Variants in MSH3 observed in about 807,000 individuals in gnomAD.
MSH3 encodes the protein mutS homolog 3.
Under a neutral mutation model 123.3 loss-of-function variants are expected in MSH3, and 106 were observed. The ratio of observed to expected loss-of-function variants is 0.86; its 90% CI spans 0.73 to 1.01. The LOEUF (loss-of-function observed/expected upper bound fraction) is 1.01. Ranked by LOEUF, MSH3 falls within the 50% of genes least tolerant of loss-of-function variation. The probability of loss-of-function intolerance (pLI) is 0.00; values close to 1 mark genes in which losing one functional copy is unlikely to be tolerated. For missense variants in MSH3, 1,459 were observed against 1,347.6 expected (o/e 1.08, Z -1.29); for synonymous variants, 515 against 481.4 (o/e 1.07, Z -0.91).
chr5:80,829,662 A>T (rs1745384968), intron 20 of MSH3, among the ~76,000 whole-genome samples: 1 of 152,166 alleles, frequency 6.6e-6, no homozygotes, highest in South Asian at 2.1e-4. Context: ...GGATTTTTGC[A>T]TCTATGTTCA....
At position 80,672,832 on chromosome 5, in the gene MSH3, A is replaced by G. The variant is rs774838967; in HGVS notation, c.1001A>G (p.Tyr334Cys). The G allele has an allele frequency of 6.2e-7, 1 of 1,612,974 alleles. No individual in the cohort carries two copies. The highest frequency in any genetic ancestry group is 8.5e-7 in the Non-Finnish European group (1 of 1,179,234). ...SLFSRKLTALYTKSTLIGEDV... is the reference protein window; with the variant it reads ...SLFSRKLTALCTKSTLIGEDV... The stretch of plus-strand genomic sequence containing the variant: ...TTTTCCCGGAAATTGACTGCCCTTT[A>G]TACAAAATCTACACTTATTGGAGAA... The change falls in exon 6 of 24, where the codon TAT becomes TGT. Residue 334 changes from tyrosine to cysteine, a missense_variant. Physicochemically the swap from Tyr to Cys is radical, Grantham distance 194. Transcript: ENST00000265081.
chr5:80,682,167 C>T (rs527819225), intron 8 of MSH3, among the ~76,000 whole-genome samples: 4 of 152,202 alleles, frequency 2.6e-5, no homozygotes, highest in African/African-American at 2.4e-5. Flanking sequence ...AGAGGAAATT[C>T]AAAAGTTAGC....
At chr5:80,724,168 T>A (rs1056673552) in intron 8 of MSH3, among the ~76,000 whole-genome samples, 1 of 152,136 alleles carries the variant, frequency 6.6e-6, no homozygotes, top group Non-Finnish European at 1.5e-5. Context: ...AAGCAACATG[T>A]GACAAAACAT....
chr5:80,665,060 TA>T, intron 2 of MSH3, 82 bp from the exon 3 acceptor site: 2 of 1,040,192 alleles, frequency 1.9e-6, no homozygotes, highest in Non-Finnish European at 1.4e-6. Flanking sequence ...TCTACCTCTT[TA>T]AAAAATTCTA....
intron 20 of MSH3, among the ~76,000 whole-genome samples, chr5:80,819,715 GA>G (rs1745171066): frequency 1.3e-5 from 2 of 152,058 alleles, no homozygotes; most frequent in Non-Finnish European, 2.9e-5. Context: ...TCAAACTCCT[GA>G]CCTCAGGTGA....
chr5:80,794,403 A>G (rs1744663031), intron 19 of MSH3, among the ~76,000 whole-genome samples: 1 of 152,134 alleles, frequency 6.6e-6, no homozygotes, highest in Admixed American at 6.6e-5. Context: ...TTTTACTCAA[A>G]GTCTCTAGGT....
chr5:80,673,432 G>C (rs1191502019), intron 6 of MSH3, among the ~76,000 whole-genome samples: 1 of 152,180 alleles, frequency 6.6e-6, no homozygotes, highest in African/African-American at 2.4e-5. Context: ...GGGTGGCTGA[G>C]GTGGGACAAT....
intron 20 of MSH3, among the ~76,000 whole-genome samples, chr5:80,825,062 A>G (rs1745270219): frequency 1.3e-5 from 2 of 152,194 alleles, no homozygotes; most frequent in South Asian, 4.1e-4. Flanking sequence ...TATCCCTAGG[A>G]TATAGTTTAA....
intron 8 of MSH3, among the ~76,000 whole-genome samples, chr5:80,698,160 C>A (rs1750526617): frequency 6.6e-6 from 1 of 152,144 alleles, no homozygotes; most frequent in Non-Finnish European, 1.5e-5. Context: ...CCTTGGCCTC[C>A]CCAAAATGTT....
At chr5:80,692,781 T>C (rs1011681711) in intron 8 of MSH3, among the ~76,000 whole-genome samples, 11 of 93,152 alleles carry the variant, frequency 1.2e-4, no homozygotes, top group Admixed American at 3.0e-4. Context: ...TGTATATGTT[T>C]GATAAATATA....
rs78390669 is a variant in MSH3, at chr5:80,692,547, T to G, written c.1340+13454T>G. ...AGATAGATAAACATGTATATGTTTA[T>G]ATAGAGAGATAAACATGTATATGTT... On this transcript the variant is annotated intron_variant, in intron 8 of 23. Coordinates refer to ENST00000265081, the MANE Select transcript of MSH3 (RefSeq NM_002439.5). 2.9e-3 allele frequency among the ~76,000 whole-genome samples: 216 copies of G among 74,618 alleles called. 3 individuals carry two copies. The highest frequency in any genetic ancestry group is 8.1e-3 in the East Asian group (32 of 3,968). The allele number at this position is 74,618 out of a possible 152,430, so 49.0% of individuals were successfully genotyped here.
At chr5:80,774,375 T>C (rs1744263628) in intron 15 of MSH3, among the ~76,000 whole-genome samples, 1 of 147,678 alleles carries the variant, frequency 6.8e-6, no homozygotes, top group African/African-American at 2.5e-5. Flanking sequence ...ATACTACCAC[T>C]ACCACTGTGG....
intron 16 of MSH3, among the ~76,000 whole-genome samples, chr5:80,776,233 T>G (rs1744296688): frequency 6.6e-6 from 1 of 152,196 alleles, no homozygotes; most frequent in Non-Finnish European, 1.5e-5. Context: ...TACTTTTAAC[T>G]CTTTATCATT....
chr5:80,686,471 T>C (rs1299598531), intron 8 of MSH3, among the ~76,000 whole-genome samples: 1 of 151,824 alleles, frequency 6.6e-6, no homozygotes, highest in African/African-American at 2.4e-5. Context: ...CCTGGCTAAT[T>C]TTTTTTGTAT....
intron 19 of MSH3, among the ~76,000 whole-genome samples, chr5:80,809,714 C>T (rs1744972985): frequency 6.6e-6 from 1 of 152,192 alleles, no homozygotes; most frequent in South Asian, 2.1e-4. Context: ...TTCTCTCTGG[C>T]ATTACATTCT....
chr5:80,667,688 T>A (rs753305263), intron 3 of MSH3, among the ~76,000 whole-genome samples: 9 of 152,202 alleles, frequency 5.9e-5, no homozygotes, highest in Non-Finnish European at 1.2e-4. Context: ...GAGTGAGGGC[T>A]GGACCAGGCG....
chr5:80,875,069 C>A (rs1746281717), intron 23 of MSH3, among the ~76,000 whole-genome samples: 1 of 152,116 alleles, frequency 6.6e-6, no homozygotes, highest in South Asian at 2.1e-4. Flanking sequence ...TGTGTAGAAA[C>A]CATTCTGAGC....
chr5:80,728,524 A>G (rs931139628), intron 9 of MSH3, among the ~76,000 whole-genome samples: 5 of 152,214 alleles, frequency 3.3e-5, no homozygotes, highest in South Asian at 2.1e-4. Context: ...TGGTACACAC[A>G]TCCTTGACAT....
intron 19 of MSH3, among the ~76,000 whole-genome samples, chr5:80,796,239 G>T (rs956766771): frequency 3.3e-5 from 5 of 151,486 alleles, no homozygotes; most frequent in African/African-American, 1.2e-4. Flanking sequence ...CTTTCAAAAC[G>T]TATGTTACAC....
Sources: gnomAD v4.1 joint callset for allele counts (sites outside exome capture counted in the v4.1 genomes callset) on GRCh38, gnomAD v4.1.1 for gene constraint, MANE v1.5 for transcripts, NCBI Gene and HGNC (gene_info 2026-07-23, HGNC 2026-07-21) for gene names.